Variants in RTL4 observed in about 807,000 individuals in gnomAD.
RTL4 encodes the protein retrotransposon Gag-like protein 4.
A neutral mutation model predicts 5.3 loss-of-function variants in RTL4; 4 were observed. That is an observed-to-expected ratio of 0.75 (90% CI 0.37 to 1.72). RTL4 has a LOEUF of 1.72. Ranked by LOEUF, RTL4 falls within the 40% of genes most tolerant of loss-of-function variation. RTL4 has a pLI of 0.04. For synonymous variants in RTL4, 98 were observed against 87.3 expected, an observed-to-expected ratio of 1.12 and a Z score of -0.68; for missense variants, 260 against 227.1, an observed-to-expected ratio of 1.14 and a Z score of -0.93.
At chrX:112,187,316 G>T in the RTL4 span, among the ~76,000 whole-genome samples, 10 of 111,938 alleles carry the variant, frequency 8.9e-5, no homozygotes, top group Admixed American at 5.7e-4. Context: ...GTCCAATACA[G>T]TTCTCAAAGG....
At chrX:112,258,490 T>C in the RTL4 span, among the ~76,000 whole-genome samples, 3 of 112,073 alleles carry the variant, frequency 2.7e-5, no homozygotes, top group Non-Finnish European at 3.8e-5. Flanking sequence ...TATTTAATTA[T>C]GGGTGAAGTT....
chrX:112,431,977 G>A, the RTL4 span, among the ~76,000 whole-genome samples: 644 of 101,085 alleles, frequency 6.4e-3, 8 homozygotes, highest in African/African-American at 0.021. Context: ...GAGAATATGC[G>A]GTGTTTGTTT....
chrX:112,202,185 T>A, the RTL4 span, among the ~76,000 whole-genome samples: 1 of 112,005 alleles, frequency 8.9e-6, no homozygotes, highest in African/African-American at 3.2e-5. Context: ...GTCATTTCTG[T>A]AATTTTGTCA....
chrX:112,276,233 G>A, the RTL4 span, among the ~76,000 whole-genome samples: 5 of 111,121 alleles, frequency 4.5e-5, no homozygotes, highest in East Asian at 1.4e-3. Context: ...TTTGCTTGAG[G>A]GCAGACTGAA....
chrX:112,289,771 ATATG>A, the RTL4 span, among the ~76,000 whole-genome samples: 2 of 71,221 alleles, frequency 2.8e-5, no homozygotes, highest in Non-Finnish European at 4.8e-5. Context: ...TGTGTATAAT[ATATG>A]TGTGTGTGTG....
the RTL4 span, among the ~76,000 whole-genome samples, chrX:112,213,166 G>A: frequency 8.9e-6 from 1 of 112,786 alleles, no homozygotes; most frequent in African/African-American, 3.2e-5. Flanking sequence ...GCAGCTACTT[G>A]CGGGAAAGAA....
chrX:112,331,209 A>G, the RTL4 span, among the ~76,000 whole-genome samples: 5 of 105,808 alleles, frequency 4.7e-5, no homozygotes, highest in Non-Finnish European at 9.7e-5. Context: ...CTACCATCAG[A>G]GTGAACAGGC....
chrX:112,169,186 C>G, the RTL4 span, among the ~76,000 whole-genome samples: 1 of 107,395 alleles, frequency 9.3e-6, no homozygotes, highest in Non-Finnish European at 1.9e-5. Flanking sequence ...GCGTTCTCGG[C>G]TCACTGCAAC....
the RTL4 span, among the ~76,000 whole-genome samples, chrX:112,363,066 T>C: frequency 1.8e-5 from 2 of 110,779 alleles, no homozygotes; most frequent in East Asian, 2.9e-4. Context: ...GTCAAAGTTA[T>C]CTGATCAGAA....
the RTL4 span, among the ~76,000 whole-genome samples, chrX:112,224,289 A>ACAGAC: frequency 3.7e-5 from 4 of 107,335 alleles, no homozygotes; most frequent in African/African-American, 1.3e-4. Flanking sequence ...AAAATTAATC[A>ACAGAC]CAGACCTTCC....
At chrX:112,264,589 A>C in the RTL4 span, among the ~76,000 whole-genome samples, 17 of 112,346 alleles carry the variant, frequency 1.5e-4, no homozygotes, top group African/African-American at 5.5e-4. Flanking sequence ...TATGATAAAT[A>C]TAATACAAAT....
chrX:112,290,400 G>A, the RTL4 span, among the ~76,000 whole-genome samples: 36 of 111,835 alleles, frequency 3.2e-4, no homozygotes, highest in African/African-American at 1.2e-3. Context: ...ACGAGGAAAG[G>A]CATGACATGT....
At chrX:112,140,562 A>C in the RTL4 span, among the ~76,000 whole-genome samples, 8 of 111,395 alleles carry the variant, frequency 7.2e-5, no homozygotes, top group Non-Finnish European at 1.5e-4. Flanking sequence ...TCTGCCTTAC[A>C]GATGGCACCT....
chrX:112,254,769 A>G, the RTL4 span, among the ~76,000 whole-genome samples: 1 of 111,689 alleles, frequency 9.0e-6, no homozygotes, highest in Admixed American at 9.6e-5. Flanking sequence ...GGTATATGTT[A>G]AAAGATAATT....
the RTL4 span, among the ~76,000 whole-genome samples, chrX:112,369,863 T>C: frequency 9.0e-6 from 1 of 111,725 alleles, no homozygotes; most frequent in Non-Finnish European, 1.9e-5. Context: ...TGGGTATTTT[T>C]TGAATGCAGA....
chrX:112,395,997 G>A, the RTL4 span, among the ~76,000 whole-genome samples: 1 of 110,047 alleles, frequency 9.1e-6, no homozygotes, highest in Non-Finnish European at 1.9e-5. Flanking sequence ...TTAGAAATTT[G>A]ATTCTTTTAA....
At chrX:112,387,442 C>T in the RTL4 span, among the ~76,000 whole-genome samples, 1 of 107,941 alleles carries the variant, frequency 9.3e-6, no homozygotes, top group African/African-American at 3.4e-5. Flanking sequence ...AGACATTTCT[C>T]AGCACCATCC....
At chrX:112,412,292 C>T in the RTL4 span, among the ~76,000 whole-genome samples, 1 of 106,953 alleles carries the variant, frequency 9.3e-6, no homozygotes, top group African/African-American at 3.3e-5. Flanking sequence ...AAACAATCTA[C>T]AAGTTCAACA....
chrX:112,154,324 G>T, the RTL4 span, among the ~76,000 whole-genome samples: 1 of 111,334 alleles, frequency 9.0e-6, no homozygotes, highest in African/African-American at 3.3e-5. Context: ...GTCTAATAAA[G>T]CCAACATTTG....
Sources: allele counts gnomAD v4.1 joint callset (sites outside exome capture counted in the v4.1 genomes callset), GRCh38; gene constraint gnomAD v4.1.1; transcripts MANE v1.5; gene names NCBI Gene and HGNC (gene_info 2026-07-23, HGNC 2026-07-21).